The following ACP7 variants were observed in gnomAD, a reference collection of about 807,000 sequenced individuals.
ACP7 encodes the protein acid phosphatase 7, tartrate resistant (putative).
ACP7 carries 58 observed loss-of-function variants against 60.6 expected under a neutral mutation model. The ratio of observed to expected loss-of-function variants is 0.96; its 90% CI spans 0.77 to 1.19. ACP7 has a LOEUF of 1.19. Among genes scored for constraint, ACP7 ranks in the 50% most tolerant of loss-of-function variants. The pLI, the probability that ACP7 is intolerant of heterozygous loss-of-function variation, is 0.00. For synonymous variants in ACP7, 237 were observed against 232.6 expected, an observed-to-expected ratio of 1.02 and a Z score of -0.17; for missense variants, 574 against 596.2, an observed-to-expected ratio of 0.96 and a Z score of 0.39.
At chr19:39,098,725 C>A in intron 3 of ACP7, 67 bp downstream of exon 3, 1 of 1,493,636 alleles carries the variant, frequency 6.7e-7, no homozygotes, top group Non-Finnish European at 9.0e-7. Context: ...AGACTAGAAG[C>A]TACCACTGGC....
chr19:39,084,242 G>GC (rs1568471964), upstream of ACP7: 2 of 152,342 alleles, frequency 1.3e-5, no homozygotes, highest in African/African-American at 4.8e-5. Context: ...GGGACCCGGG[G>GC]CCCTGGCTGT....
intron 11 of ACP7, among the ~76,000 whole-genome samples, chr19:39,102,741 T>TTCTG (rs1329254119): frequency 1.2e-5 from 1 of 83,040 alleles, no homozygotes; most frequent in South Asian, 4.7e-4. Flanking sequence ...CTTTCTTTCT[T>TTCTG]TCTTTCTTTC....
rs1251615043 is a variant in ACP7 at position 39,111,034 on chromosome 19, T to C, written c.*916T>C. 1.3e-5 allele frequency: 2 copies of C among 152,168 alleles called. No homozygotes were observed. Among genetic ancestry groups the C allele is most frequent in the Non-Finnish European group, 2.9e-5 (2 of 68,048 alleles). 9.4% of individuals were successfully genotyped at this position (152,168 alleles called of 1,614,324 possible). On this transcript the variant is annotated 3_prime_UTR_variant, in exon 13 of 13. Coordinates refer to ENST00000331256, the MANE Select transcript of ACP7 (RefSeq NM_001004318.3). ...GTTTCAATTTTCAGGGGGATCTCACTGAGAGGGCAACATTTGATCTGAAGG... is the reference window on the plus strand; with the variant it reads ...GTTTCAATTTTCAGGGGGATCTCACCGAGAGGGCAACATTTGATCTGAAGG...
chr19:39,092,647 T>C (rs930164959), intron 2 of ACP7, among the ~76,000 whole-genome samples: 1 of 152,090 alleles, frequency 6.6e-6, no homozygotes, highest in African/African-American at 2.4e-5. Flanking sequence ...TTTAATTATT[T>C]ATTTTGTGGG....
chr19:39,098,319 T>G (rs2569367), intron 2 of ACP7, 139 bp from the exon 3 acceptor site: 1 of 461,744 alleles, frequency 2.2e-6, no homozygotes, highest in Non-Finnish European at 3.6e-6. Context: ...GGGCTGGGAT[T>G]GAACTTGGGC....
At chr19:39,095,464 T>G (rs2073254926) in intron 2 of ACP7, among the ~76,000 whole-genome samples, 1 of 152,248 alleles carries the variant, frequency 6.6e-6, no homozygotes, top group African/African-American at 2.4e-5. Flanking sequence ...GTCTCACTGA[T>G]GCAAGAGGTG....
At chr19:39,095,785 T>A (rs2073258725) in intron 2 of ACP7, among the ~76,000 whole-genome samples, 1 of 152,184 alleles carries the variant, frequency 6.6e-6, no homozygotes, top group Non-Finnish European at 1.5e-5. Flanking sequence ...TTTCCATACA[T>A]CTTCTGAAAT....
At chr19:39,104,839 C>A (rs191318364) in intron 11 of ACP7, among the ~76,000 whole-genome samples, 1 of 151,740 alleles carries the variant, frequency 6.6e-6, no homozygotes, top group African/African-American at 2.4e-5. Context: ...GAGCCGAGAT[C>A]GTGCCATTGC....
chr19:39,102,764 T>TTTCTTTCTTTCTTTCTTTCC (rs1568482747), intron 11 of ACP7, among the ~76,000 whole-genome samples: 1 of 81,620 alleles, frequency 1.2e-5, no homozygotes, highest in Non-Finnish European at 2.6e-5. Context: ...TCTTTCTTTC[T>TTTCTTTCTTTCTTTCTTTCC]TTCTCTCTCT....
chr19:39,098,212 C>T (rs1414356596), intron 2 of ACP7, among the ~76,000 whole-genome samples: 1 of 135,286 alleles, frequency 7.4e-6, no homozygotes, highest in Non-Finnish European at 1.5e-5. Flanking sequence ...TGAGATTGCA[C>T]CACTGTACTC....
At chr19:39,095,028 C>T (rs1196145872) in intron 2 of ACP7, among the ~76,000 whole-genome samples, 2 of 152,200 alleles carry the variant, frequency 1.3e-5, no homozygotes, top group Non-Finnish European at 2.9e-5. Context: ...GTACCTCTCA[C>T]AACATGTGGG....
At position 39,089,232 on chromosome 19, in the gene ACP7, A is replaced by G. The variant is rs938448958; in HGVS notation, c.121+3842A>G. 6.0e-5 allele frequency among the ~76,000 whole-genome samples: 9 copies of G among 150,778 alleles called. No homozygotes were observed. In the East Asian group the frequency reaches 1.6e-3, roughly 26 times the overall value. ...GCATGAGCCACTGTACCCGGCCCCTAATTTTTGTATTTTTCAGTAGAGATG... is the reference window on the plus strand; with the variant it reads ...GCATGAGCCACTGTACCCGGCCCCTGATTTTTGTATTTTTCAGTAGAGATG... On this transcript the variant is annotated intron_variant, in intron 2 of 12. Coordinates refer to ENST00000331256, the MANE Select transcript of ACP7 (RefSeq NM_001004318.3).
intron 2 of ACP7, among the ~76,000 whole-genome samples, chr19:39,097,290 T>C (rs1386142063): frequency 6.6e-6 from 1 of 151,772 alleles, no homozygotes; most frequent in Non-Finnish European, 1.5e-5. Context: ...GGGAGTACAA[T>C]TCAAGATGAG....
chr19:39,101,611 G>C lies in ACP7; in HGVS notation c.1113+74G>C, dbSNP rs959000007. 2.0e-6 allele frequency: 3 copies of C among 1,484,266 alleles called. No individual in the cohort carries two copies. In the African/African-American group the frequency reaches 4.2e-5, roughly 21 times the overall value. 91.9% of individuals were successfully genotyped at this position (1,484,266 alleles called of 1,614,324 possible). On this transcript the variant is annotated intron_variant, in intron 11 of 12. Coordinates refer to ENST00000331256, the MANE Select transcript of ACP7 (RefSeq NM_001004318.3). ...TGGAGGGCTAACTTTGTTCCAGACTGAGTGCTGGGTGCTTTATATAGTGGA... is the reference window on the plus strand; with the variant it reads ...TGGAGGGCTAACTTTGTTCCAGACTCAGTGCTGGGTGCTTTATATAGTGGA...
chr19:39,099,178 G>T (rs748692806), intron 4 of ACP7, 36 bp downstream of exon 4: 1 of 1,480,304 alleles, frequency 6.8e-7, no homozygotes, highest in East Asian at 2.5e-5. Flanking sequence ...AGGGACGGTG[G>T]GGGGCGCGCG....
At chr19:39,093,098 CTTTT>C (rs1052382979) in intron 2 of ACP7, among the ~76,000 whole-genome samples, 6 of 140,830 alleles carry the variant, frequency 4.3e-5, no homozygotes, top group Middle Eastern at 3.5e-3. Context: ...TCTTTTCTTT[CTTTT>C]TTTCTTTTTC....
At chr19:39,110,004 A>G in intron 12 of ACP7, 49 bp from the exon 13 acceptor site, 4 of 1,572,726 alleles carry the variant, frequency 2.5e-6, no homozygotes, top group Non-Finnish European at 2.6e-6. Flanking sequence ...GTGGCCCCAG[A>G]GTTCAGGCTT....
Position 39,100,844 on chromosome 19 carries a change from C to T in ACP7, c.798C>T (p.Ser266=), listed in dbSNP as rs748961311. The change falls in exon 7 of 13, where the codon AGC becomes AGT. Residue 266 remains serine, a synonymous_variant. Coordinates refer to ENST00000331256, the MANE Select transcript of ACP7 (RefSeq NM_001004318.3). ...LVQRQFRWLE[S]DLQKANKNRA... ...AGAGGCAGTTTCGCTGGCTGGAGAGCGACCTCCAGGTAACCTGGGTGGAGG... is the reference window on the plus strand; with the variant it reads ...AGAGGCAGTTTCGCTGGCTGGAGAGTGACCTCCAGGTAACCTGGGTGGAGG... 1.3e-5 allele frequency: 21 copies of T among 1,613,324 alleles called. No homozygotes were observed. The highest frequency in any genetic ancestry group is 8.0e-5 in the African/African-American group (6 of 74,912).
At position 39,100,580 on chromosome 19, in the gene ACP7, C is replaced by A; in HGVS notation, c.630C>A (p.Tyr210Ter). 6.2e-7 allele frequency: 1 copy of A among 1,613,876 alleles called. No homozygotes were observed. Among genetic ancestry groups the A allele is most frequent in the Non-Finnish European group, 8.5e-7 (1 of 1,179,848 alleles). ...MTCPGNHEERYNFSNYKARFS... is the reference protein window; with the variant it reads ...MTCPGNHEER ...ATCCCTTGTACTTCCTTTATTCCAGCAACTTCTCTAACTACAAGGCTCGCT... is the reference window on the plus strand; with the variant it reads ...ATCCCTTGTACTTCCTTTATTCCAGAAACTTCTCTAACTACAAGGCTCGCT... The change falls in exon 6 of 13, where the codon TAC becomes TAA. Residue 210 changes from tyrosine to a stop codon, truncating the protein, a stop_gained and splice_region_variant. Coordinates refer to ENST00000331256, the MANE Select transcript of ACP7 (RefSeq NM_001004318.3). LOFTEE classifies it high-confidence loss of function.
Sources: gnomAD v4.1 joint callset for allele counts (sites outside exome capture counted in the v4.1 genomes callset) on GRCh38, gnomAD v4.1.1 for gene constraint, MANE v1.5 for transcripts, NCBI Gene and HGNC (gene_info 2026-07-23, HGNC 2026-07-21) for gene names.